Variants in MTOR observed in about 807,000 individuals in gnomAD.
The protein encoded by MTOR is mechanistic target of rapamycin kinase, also known as serine/threonine-protein kinase mTOR.
A neutral mutation model predicts 319.8 loss-of-function variants in MTOR; 70 were observed. The observed-to-expected ratio is 0.22, with a 90% CI of 0.18 to 0.27. MTOR has a LOEUF of 0.27. Among genes scored for constraint, MTOR ranks in the 10% least tolerant of loss-of-function variants. MTOR has a pLI of 1.00. For missense variants in MTOR, 1,890 were observed against 3,274.4 expected, an observed-to-expected ratio of 0.58 and a Z score of 10.32; for synonymous variants, 1,183 against 1,211.4, an observed-to-expected ratio of 0.98 and a Z score of 0.49.
chr1:11,174,792 C>G (rs1315355700), intron 28 of MTOR, among the ~76,000 whole-genome samples: 1 of 152,138 alleles, frequency 6.6e-6, no homozygotes, highest in African/African-American at 2.4e-5. Context: ...ATAAACACCC[C>G]CTTGGGTGCC....
At chr1:11,146,563 G>A (rs773518298) in intron 32 of MTOR, 113 bp downstream of exon 32, 2 of 767,954 alleles carry the variant, frequency 2.6e-6, no homozygotes, top group Non-Finnish European at 4.5e-6. Context: ...TACTCACAGA[G>A]CCGAGTAAAC....
chr1:11,120,889 G>A (rs923646402), intron 49 of MTOR, among the ~76,000 whole-genome samples: 1 of 152,090 alleles, frequency 6.6e-6, no homozygotes, highest in Non-Finnish European at 1.5e-5. Context: ...CGGATATGGA[G>A]GGCTGACTGT....
At chr1:11,254,074 G>T in intron 5 of MTOR, 101 bp from the exon 6 acceptor site, 2 of 1,374,258 alleles carry the variant, frequency 1.5e-6, no homozygotes, top group Non-Finnish European at 2.0e-6. Flanking sequence ...GTGCTACCAC[G>T]CCTGCTCAGT....
chr1:11,256,240 T>C (rs1323143653), intron 4 of MTOR, 48 bp from the exon 5 acceptor site: 4 of 1,578,414 alleles, frequency 2.5e-6, no homozygotes, highest in Non-Finnish European at 3.4e-6. Flanking sequence ...CAGAGTTTTG[T>C]TCTCTCAGGA....
At chr1:11,135,386 T>C (rs1237398518) in intron 36 of MTOR, among the ~76,000 whole-genome samples, 3 of 151,990 alleles carry the variant, frequency 2.0e-5, no homozygotes, top group South Asian at 4.2e-4. Flanking sequence ...AAAATCTAAA[T>C]GCATTAACAC....
Position 11,127,636 on chromosome 1 carries a change from T to A in MTOR, c.6204A>T (p.Thr2068=), listed in dbSNP as rs763033402. ...MERGPQTLKE[T]SFNQAYGRDL... ...TTTTACCCCATACCTGATTAAAGGA[T>A]GTTTCCTTCAGAGTCTGGGGGCCCC... The change falls in exon 44 of 58, where the codon ACA becomes ACT. Residue 2068 remains threonine (T), a synonymous_variant. Transcript: ENST00000361445. This position sits in a 1 kb window ranked among gnomAD's most constrained non-coding sequence, Gnocchi z 5.5. 1 of 1,613,100 alleles carries A rather than the reference T, an allele frequency of 6.2e-7. No homozygotes were observed. Among genetic ancestry groups the A allele is most frequent in the Non-Finnish European group, 8.5e-7 (1 of 1,179,654 alleles).
Position 11,157,167 on chromosome 1 carries a change from T to C in MTOR, c.4454A>G (p.Glu1485Gly), listed in dbSNP as rs1347604490. The C allele has an allele frequency of 6.2e-7, 1 of 1,610,198 alleles. No individual in the cohort carries two copies. The highest frequency in any genetic ancestry group is 8.5e-7 in the Non-Finnish European group (1 of 1,178,278). ...GGAAGCTCACCATTCCCCCAAGGCC[T>C]CGAGGCAGCGCATGCGGCCCAGCAT... Reference protein sequence around the residue: ...ELMLGRMRCLEALGEWGQLHQ... With the variant: ...ELMLGRMRCLGALGEWGQLHQ... Residue 1485 changes from glutamate (E) to glycine (G), a missense_variant, in exon 30 of 58, where the codon GAG becomes GGG. Physicochemically the swap from Glu to Gly is moderately conservative, Grantham distance 98. Coordinates refer to ENST00000361445, the MANE Select transcript of MTOR (RefSeq NM_004958.4).
intron 14 of MTOR, 88 bp downstream of exon 14, chr1:11,234,055 G>A (rs913777201): frequency 1.8e-5 from 29 of 1,579,460 alleles, no homozygotes; most frequent in Non-Finnish European, 2.5e-5. Context: ...TTTGTTCAGT[G>A]TACTAGTGAA....
intron 9 of MTOR, 89 bp downstream of exon 9, chr1:11,243,025 A>G: frequency 6.9e-7 from 1 of 1,448,572 alleles, no homozygotes; most frequent in Non-Finnish European, 9.5e-7. Context: ...GATGCAAAAA[A>G]TGGGCGTAAG....
chr1:11,257,636 T>C (rs941416348), intron 3 of MTOR, among the ~76,000 whole-genome samples: 12 of 151,034 alleles, frequency 7.9e-5, no homozygotes, highest in African/African-American at 2.2e-4. Context: ...CATTTCTAGA[T>C]GGCAAGGACA....
chr1:11,130,692 A>T lies in MTOR; in HGVS notation c.5450T>A (p.Leu1817Gln), dbSNP rs2100432168. The change falls in exon 39 of 58, where the codon CTG (leucine) becomes CAG (glutamine). Residue 1817 changes from leucine to glutamine, a missense_variant. Around this residue, in one of 15 missense-constraint regions of MTOR, gnomAD observed 91 missense variants for 90.4 expected, o/e 1.01. Transcript: ENST00000361445. ...GATGTTGGCCCCGCTGGCATGACGC[A>T]GTTTCTTCTTCTCATCGCGGGCTTG... ...QNQARDEKKKLRHASGANITN... is the reference protein window; with the variant it reads ...QNQARDEKKKQRHASGANITN... 6.2e-7 allele frequency: 1 copy of T among 1,609,418 alleles called. No homozygotes were observed. The highest frequency in any genetic ancestry group is 8.5e-7 in the Non-Finnish European group (1 of 1,178,198).
Position 11,259,252 on chromosome 1 carries a change from C to T in MTOR, c.158G>A (p.Arg53Gln), listed in dbSNP as rs1650804526. Residue 53 changes from arginine (R) to glutamine (Q), a missense_variant, in exon 2 of 58, where the codon CGA (arginine) becomes CAA (glutamine). By Grantham distance (43) the Arg-to-Gln change is conservative. Coordinates refer to ENST00000361445, the MANE Select transcript of MTOR (RefSeq NM_004958.4). ...GGCCCCAGATCCCAGAAGCACCTCT[C>T]GGAGTTCCATGGTGACATAGTGCTG... The part of the protein sequence containing the change: ...ELQHYVTMEL[R>Q]EMSQEESTRF... 6.2e-7 allele frequency: 1 copy of T among 1,613,674 alleles called. No homozygotes were observed. The highest frequency in any genetic ancestry group is 8.5e-7 in the Non-Finnish European group (1 of 1,179,844).
At chr1:11,114,558 T>C (rs759078297) in intron 52 of MTOR, 105 bp from the exon 53 acceptor site, 12 of 1,488,368 alleles carry the variant, frequency 8.1e-6, no homozygotes, top group Admixed American at 1.9e-5. Context: ...ACAGGCCATG[T>C]TGACGTATCA....
At chr1:11,179,305 A>C (rs1645076896) in intron 28 of MTOR, among the ~76,000 whole-genome samples, 2 of 152,216 alleles carry the variant, frequency 1.3e-5, no homozygotes, top group Admixed American at 1.3e-4. Context: ...GTTTCAGAGC[A>C]CTGGGACACA....
rs1045777797 is a variant in MTOR, at chr1:11,133,461, G to A, written c.5247-264C>T. On this transcript the variant is annotated intron_variant, in intron 37 of 57. Coordinates refer to ENST00000361445, the MANE Select transcript of MTOR (RefSeq NM_004958.4). The surrounding 1 kb of genome is among the most constrained non-coding windows in gnomAD (Gnocchi z 4.0). ...CCATGTACCTGGTACAGATAGGTCT[G>A]TATGGACTTACCTACCCCAAACCCA... is the stretch of plus-strand genomic sequence containing the variant. 6.6e-6 allele frequency among the ~76,000 whole-genome samples: 1 copy of A among 151,836 alleles called. No individual in the cohort carries two copies. Among genetic ancestry groups the A allele is most frequent in the Non-Finnish European group, 1.5e-5 (1 of 67,990 alleles).
At chr1:11,203,727 C>T (rs1571158223) in intron 26 of MTOR, among the ~76,000 whole-genome samples, 2 of 152,176 alleles carry the variant, frequency 1.3e-5, no homozygotes, top group African/African-American at 4.8e-5. Flanking sequence ...GCAACAGTGG[C>T]TCCTGTCCCA....
At chr1:11,174,314 C>A (rs1455971850) in intron 28 of MTOR, among the ~76,000 whole-genome samples, 6 of 152,164 alleles carry the variant, frequency 3.9e-5, no homozygotes, top group Non-Finnish European at 5.9e-5. Flanking sequence ...TCCATTAACT[C>A]TCTCTCTAGA....
chr1:11,165,407 A>G (rs1023809205), intron 29 of MTOR, among the ~76,000 whole-genome samples: 29 of 152,228 alleles, frequency 1.9e-4, no homozygotes, highest in African/African-American at 7.0e-4. Context: ...CTCAGAATAC[A>G]AAATCAATGT....
In MTOR at chr1:11,121,866, T is replaced by C; in HGVS notation, c.6810+113A>G. ...TTTATTAAACCTTCTTCAAAGCTGATTCTCTCAAAGAGATTTTTCAGTGAC... is the reference window on the plus strand; with the variant it reads ...TTTATTAAACCTTCTTCAAAGCTGACTCTCTCAAAGAGATTTTTCAGTGAC... On this transcript the variant is annotated intron_variant, in intron 48 of 57. Transcript: ENST00000361445. This position sits in a 1 kb window ranked among gnomAD's most constrained non-coding sequence, Gnocchi z 4.9. The C allele has an allele frequency of 7.2e-7, 1 of 1,387,492 alleles. No homozygotes were observed. The highest frequency in any genetic ancestry group is 1.4e-5 in the South Asian group (1 of 70,036). 85.9% of individuals were successfully genotyped at this position (1,387,492 alleles called of 1,614,324 possible). A position where few individuals can be genotyped will look rare whatever the true frequency, so the allele number is the denominator to read the frequency against.
Sources: allele counts gnomAD v4.1 joint callset (sites outside exome capture counted in the v4.1 genomes callset), GRCh38; gene constraint gnomAD v4.1.1; regional missense constraint gnomAD v4.1.1; non-coding constraint Gnocchi (gnomAD v3.1); transcripts MANE v1.5; gene names NCBI Gene and HGNC (gene_info 2026-07-23, HGNC 2026-07-21).